CTCF: variants seen among roughly 807,000 people sequenced by gnomAD.
The protein encoded by CTCF is transcriptional repressor CTCF.
CTCF carries 7 observed loss-of-function variants against 72.3 expected under a neutral mutation model. The ratio of observed to expected loss-of-function variants is 0.10; its 90% CI spans 0.06 to 0.18. The LOEUF (loss-of-function observed/expected upper bound fraction) is 0.18, where lower values mean the gene tolerates loss of function less well. CTCF is among the 10% of genes least tolerant of loss of function. The pLI is 1.00. For missense variants in CTCF, 516 were observed against 949.1 expected, an observed-to-expected ratio of 0.54 and a Z score of 6.00; for synonymous variants, 374 against 315.8, an observed-to-expected ratio of 1.18 and a Z score of -1.95.
chr16:67,572,937 GCCCCCCCCCGCC>G lies in CTCF; in HGVS notation c.-10+1683_-10+1694del, dbSNP rs1328592886. Among the ~76,000 whole-genome samples, 2 of 76,598 alleles carry G rather than the reference GCCCCCCCCCGCC, an allele frequency of 2.6e-5. 1 individual carries two copies. The highest frequency in any genetic ancestry group is 2.8e-4 in the Admixed American group (2 of 7,078). The allele number at this position is 76,598 out of a possible 152,430, so 50.3% of individuals were successfully genotyped here. On this transcript the variant is annotated intron_variant, in intron 2 of 11. Transcript: ENST00000264010. ...CCTGGGCGACAGAGTGACTCTGTCT[GCCCCCCCCCGCC>G]CCCCCCCCCAAAACAACAAAAGACT...
At chr16:67,612,604 A>T (rs977499163) in intron 4 of CTCF, 2 of 151,856 alleles carry the variant, frequency 1.3e-5, no homozygotes, top group African/African-American at 4.8e-5. Flanking sequence ...AAAAGAAAAG[A>T]AAAGAAATAG....
chr16:67,562,956 C>T, intron 1 of CTCF, among the ~76,000 whole-genome samples: 1 of 143,988 alleles, frequency 6.9e-6, no homozygotes, highest in Non-Finnish European at 1.5e-5. Flanking sequence ...AGGCCTCCCT[C>T]CTGGCAGCGC....
chr16:67,567,236 G>A (rs1597672508), intron 1 of CTCF, among the ~76,000 whole-genome samples: 1 of 152,150 alleles, frequency 6.6e-6, no homozygotes, highest in African/African-American at 2.4e-5. Context: ...ATATTTGAAT[G>A]CAAAGTTGTG....
intron 2 of CTCF, among the ~76,000 whole-genome samples, chr16:67,588,595 A>T (rs747555505): frequency 6.6e-6 from 1 of 152,182 alleles, no homozygotes; most frequent in Non-Finnish European, 1.5e-5. Flanking sequence ...TATGGCACCA[A>T]TGTTGACTCA....
chr16:67,573,997 C>T (rs181347094), intron 2 of CTCF, among the ~76,000 whole-genome samples: 64 of 151,980 alleles, frequency 4.2e-4, no homozygotes, highest in African/African-American at 1.4e-3. Flanking sequence ...TGCCACTGTA[C>T]TCTGGCTTGG....
intron 10 of CTCF, 132 bp downstream of exon 10, chr16:67,629,665 T>G: frequency 1.4e-6 from 1 of 728,788 alleles, no homozygotes; most frequent in Non-Finnish European, 2.0e-6. Flanking sequence ...TCTCATCTCC[T>G]AACGTCTATT....
chr16:67,583,723 T>C (rs1362492924), intron 2 of CTCF, among the ~76,000 whole-genome samples: 4 of 151,736 alleles, frequency 2.6e-5, no homozygotes, highest in Non-Finnish European at 5.9e-5. Context: ...ATCTTGATGC[T>C]CTGTGTGGTG....
intron 2 of CTCF, among the ~76,000 whole-genome samples, chr16:67,578,461 T>G (rs141206458): frequency 0.033 from 4,945 of 151,118 alleles, 126 homozygotes; most frequent in South Asian, 0.059. Flanking sequence ...GCCTCCCAAG[T>G]AGCTGAGATT....
rs1201531549 is a variant in CTCF at position 67,629,434 on chromosome 16, C to T, written c.1738C>T (p.Pro580Ser). 6.2e-7 allele frequency: 1 copy of T among 1,607,914 alleles called. No homozygotes were observed. The highest frequency in any genetic ancestry group is 1.1e-5 in the South Asian group (1 of 90,016). The change falls in exon 10 of 12, where the codon CCA (proline) becomes TCA (serine). Residue 580 changes from proline to serine, a missense_variant. By Grantham distance (74) the Pro-to-Ser change is moderately conservative. Coordinates refer to ENST00000264010, the MANE Select transcript of CTCF (RefSeq NM_006565.4). ...AAGACATGCTGATAATTGTGCTGGC[C>T]CAGATGGCGTAGAGGGGGAAAATGG... Reference protein sequence around the residue: ...MARHADNCAGPDGVEGENGGE... With the variant: ...MARHADNCAGSDGVEGENGGE...
chr16:67,633,812 ACACT>A (rs1040709811), intron 10 of CTCF, among the ~76,000 whole-genome samples: 1 of 151,168 alleles, frequency 6.6e-6, no homozygotes, highest in East Asian at 1.9e-4. Context: ...ACACACACAC[ACACT>A]CTCACTCACT....
chr16:67,580,970 C>G (rs1239927644), intron 2 of CTCF, among the ~76,000 whole-genome samples: 1 of 151,510 alleles, frequency 6.6e-6, no homozygotes, highest in Non-Finnish European at 1.5e-5. Flanking sequence ...GCTCTTTCGC[C>G]CACGCGGGAG....
chr16:67,636,898 T>TTATA, intron 11 of CTCF, 47 bp downstream of exon 11: 1 of 1,425,958 alleles, frequency 7.0e-7, no homozygotes. Flanking sequence ...TCTCCGAGCA[T>TTATA]GTGGGGGAGC....
At chr16:67,606,934 A>G (rs1011855824) in intron 2 of CTCF, among the ~76,000 whole-genome samples, 3 of 151,274 alleles carry the variant, frequency 2.0e-5, no homozygotes, top group African/African-American at 7.3e-5. Flanking sequence ...ACTCAGCTAT[A>G]TATGTTTTAT....
In CTCF at chr16:67,584,337, C is replaced by CTTTTTT. The variant is rs904086024; in HGVS notation, c.-10+13089_-10+13094dup. On this transcript the variant is annotated intron_variant, in intron 2 of 11. Coordinates refer to ENST00000264010, the MANE Select transcript of CTCF (RefSeq NM_006565.4). ...CTCCTTCTCAAAAAAAAAAAGTCTT[C>CTTTTTT]TTTTTTTTTTTTTTTTTTTTTGAGA... 2.3e-4 allele frequency among the ~76,000 whole-genome samples: 24 copies of CTTTTTT among 105,828 alleles called. 1 individual carries two copies. Among genetic ancestry groups the CTTTTTT allele is most frequent in the African/African-American group, 8.1e-4 (19 of 23,520 alleles). The allele number at this position is 105,828 out of a possible 152,430, so 69.4% of individuals were successfully genotyped here.
chr16:67,594,734 C>G (rs937058611), intron 2 of CTCF, among the ~76,000 whole-genome samples: 9 of 152,190 alleles, frequency 5.9e-5, no homozygotes, highest in African/African-American at 1.9e-4. Context: ...ATACCTGTTT[C>G]ATCTGACAAA....
At chr16:67,623,302 C>G (rs2052230320) in intron 7 of CTCF, 1 of 152,094 alleles carries the variant, frequency 6.6e-6, no homozygotes, top group Middle Eastern at 3.4e-3. Flanking sequence ...TCTTTTTTCT[C>G]TCCCCTCTTG....
chr16:67,632,092 G>A (rs878870729), intron 10 of CTCF, among the ~76,000 whole-genome samples: 27 of 139,738 alleles, frequency 1.9e-4, no homozygotes, highest in African/African-American at 6.2e-4. Flanking sequence ...AAAAAAAAGG[G>A]AAAAAAATTA....
chr16:67,586,014 CT>C (rs2051664433), intron 2 of CTCF, among the ~76,000 whole-genome samples: 1 of 152,128 alleles, frequency 6.6e-6, no homozygotes, highest in Non-Finnish European at 1.5e-5. Flanking sequence ...ATGGTATTGC[CT>C]GCATTTTTTT....
At chr16:67,562,831 G>T (rs1295564240) in intron 1 of CTCF, 107 bp downstream of exon 1, 1 of 149,852 alleles carries the variant, frequency 6.7e-6, no homozygotes, top group African/African-American at 2.4e-5. Flanking sequence ...CCGCCGCCGG[G>T]GGGTGTTTGT....
Sources: allele counts gnomAD v4.1 joint callset (sites outside exome capture counted in the v4.1 genomes callset), GRCh38; gene constraint gnomAD v4.1.1; transcripts MANE v1.5; gene names NCBI Gene and HGNC (gene_info 2026-07-23, HGNC 2026-07-21).